Variants in CFAP58 observed in about 807,000 individuals in gnomAD.
CFAP58 encodes cilia and flagella associated protein 58.
In CFAP58, 88 loss-of-function variants were observed where a neutral mutation model predicts 119.5. The observed-to-expected ratio is 0.74, with a 90% CI of 0.62 to 0.88. The LOEUF is 0.88. Ranked by LOEUF, CFAP58 falls within the 40% of genes least tolerant of loss-of-function variation. CFAP58 has a pLI of 0.00. For missense variants in CFAP58, 990 were observed against 1,021.2 expected (o/e 0.97, Z 0.42); for synonymous variants, 365 against 366.3 (o/e 1.00, Z 0.04).
chr10:104,364,700 A>G (rs763474939), intron 3 of CFAP58, 33 bp from the exon 4 acceptor site: 5 of 1,608,844 alleles, frequency 3.1e-6, no homozygotes, highest in Admixed American at 3.4e-5. Context: ...GCAGATGGCC[A>G]TTTAGTCTGA....
At chr10:104,377,160 A>G (rs966000059) in intron 8 of CFAP58, among the ~76,000 whole-genome samples, 2 of 152,190 alleles carry the variant, frequency 1.3e-5, no homozygotes, top group Non-Finnish European at 1.5e-5. Flanking sequence ...TGTTTTGTGG[A>G]TTCTGTTTTC....
intron 15 of CFAP58, among the ~76,000 whole-genome samples, chr10:104,424,125 G>A (rs1240311869): frequency 6.6e-6 from 1 of 152,124 alleles, no homozygotes; most frequent in East Asian, 1.9e-4. Context: ...TCTGGCTCAT[G>A]TTTCATGCAT....
chr10:104,362,470 TA>T (rs2014683174), intron 3 of CFAP58, among the ~76,000 whole-genome samples: 1 of 152,202 alleles, frequency 6.6e-6, no homozygotes, highest in Non-Finnish European at 1.5e-5. Flanking sequence ...TATAACTGGC[TA>T]ATTTTCTGCC....
In CFAP58 at chr10:104,424,735, G is replaced by T. The variant is rs2012715404; in HGVS notation, c.2256+17942G>T. On this transcript the variant is annotated intron_variant, in intron 15 of 17. Coordinates refer to ENST00000369704, the MANE Select transcript of CFAP58 (RefSeq NM_001008723.2). ...CTGACAATAGGGAGTGCCTAATTAT[G>T]CAGTAGAGCCACTGTCTGGGATGGT... Among the ~76,000 whole-genome samples the T allele has an allele frequency of 2.0e-5, 3 of 152,138 alleles. No individual in the cohort carries two copies. The East Asian group carries it at 5.8e-4, about 29-fold the overall frequency.
chr10:104,424,036 G>A (rs1392322651), intron 15 of CFAP58, among the ~76,000 whole-genome samples: 1 of 152,112 alleles, frequency 6.6e-6, no homozygotes, highest in Non-Finnish European at 1.5e-5. Context: ...AATCTCTGGT[G>A]GGTCATCAAG....
At chr10:104,407,086 T>G (rs879314095) in intron 15 of CFAP58, among the ~76,000 whole-genome samples, 1 of 152,240 alleles carries the variant, frequency 6.6e-6, no homozygotes. Context: ...CAGATTCTTT[T>G]AAACATTTTT....
intron 9 of CFAP58, chr10:104,382,243 A>T: frequency 1.4e-6 from 1 of 714,776 alleles, no homozygotes; most frequent in Non-Finnish European, 2.6e-6. Flanking sequence ...ACCCACTCAT[A>T]TTCCACCGGC....
chr10:104,371,827 C>G (rs1338692691), intron 7 of CFAP58, among the ~76,000 whole-genome samples: 1 of 152,176 alleles, frequency 6.6e-6, no homozygotes, highest in East Asian at 1.9e-4. Flanking sequence ...AGAAACAGCT[C>G]TGGACTTGGA....
At chr10:104,353,463 C>T (rs981748419), upstream of CFAP58, 5 of 171,024 alleles carry the variant, frequency 2.9e-5, no homozygotes, top group Non-Finnish European at 5.0e-5. Context: ...CATTTCCTTC[C>T]AAGCGTTAGT....
intron 9 of CFAP58, among the ~76,000 whole-genome samples, chr10:104,386,102 G>T (rs2011916766): frequency 1.3e-5 from 2 of 150,568 alleles, no homozygotes; most frequent in Admixed American, 1.3e-4. Flanking sequence ...GATGGGCTGG[G>T]CATGGTGGCT....
chr10:104,439,813 C>G lies in CFAP58; in HGVS notation c.2257-7885C>G, dbSNP rs555357794. On this transcript the variant is annotated intron_variant, in intron 15 of 17. Transcript: ENST00000369704. ...CAATTTTCTTTAAATTTGGAAGTGA[C>G]TTACTGATTTACTATTTTTTTTTTG... Among the ~76,000 whole-genome samples, 9 of 152,270 alleles carry G rather than the reference C, an allele frequency of 5.9e-5. No homozygotes were observed. In the South Asian group the frequency reaches 1.9e-3, roughly 31 times the overall value.
rs201995000 is a variant in CFAP58, at chr10:104,362,158, G to A, written c.427G>A (p.Asp143Asn). 3.7e-6 allele frequency: 6 copies of A among 1,612,816 alleles called. No individual in the cohort carries two copies. The Admixed American group carries it at 1.0e-4, about 27-fold the overall frequency. The stretch of plus-strand genomic sequence containing the variant: ...GGAGCAGGGGTCTGGACTGTCAATG[G>A]ACCAGCATAGCAAGTAGGTCATAGC... ...LVEQGSGLSM[D>N]QHSNIRDLLR... Residue 143 changes from aspartate (D) to asparagine (N), a missense_variant, in exon 3 of 18, where the codon GAC becomes AAC. Asp to Asn is a conservative substitution (Grantham distance 23, BLOSUM62 1). Coordinates refer to ENST00000369704, the MANE Select transcript of CFAP58 (RefSeq NM_001008723.2).
chr10:104,381,927 A>C (rs1031387874), intron 9 of CFAP58, among the ~76,000 whole-genome samples: 2 of 152,078 alleles, frequency 1.3e-5, no homozygotes, highest in African/African-American at 4.8e-5. Flanking sequence ...TGATTTACTG[A>C]CTCTGAGGAC....
In CFAP58 at chr10:104,364,773, G is replaced by A; in HGVS notation, c.481G>A (p.Glu161Lys). ...GAGGTTCAAAGAAGAAGTGACAAAGGAGAGAGACCAGCTCTTATCAGAAGT... is the reference window on the plus strand; with the variant it reads ...GAGGTTCAAAGAAGAAGTGACAAAGAAGAGAGACCAGCTCTTATCAGAAGT... Reference protein sequence around the residue: ...LLRFKEEVTKERDQLLSEVVK... With the variant: ...LLRFKEEVTKKRDQLLSEVVK... The change falls in exon 4 of 18, where the codon GAG (glutamate) becomes AAG (lysine). Residue 161 changes from glutamate to lysine, a missense_variant. By Grantham distance (56) the Glu-to-Lys change is moderately conservative. Coordinates refer to ENST00000369704, the MANE Select transcript of CFAP58 (RefSeq NM_001008723.2). 1 of 1,612,904 alleles carries A rather than the reference G, an allele frequency of 6.2e-7. No homozygotes were observed. Among genetic ancestry groups the A allele is most frequent in the Non-Finnish European group, 8.5e-7 (1 of 1,179,482 alleles).
At position 104,441,234 on chromosome 10, in the gene CFAP58, C is replaced by A. The variant is rs188487814; in HGVS notation, c.2257-6464C>A. ...GCCAGGCTGGTCTCAAACTCCTGAT[C>A]TCGAGTGATTTGCCTGCATCGGCCT... On this transcript the variant is annotated intron_variant, in intron 15 of 17. Transcript: ENST00000369704. Among the ~76,000 whole-genome samples the A allele has an allele frequency of 4.2e-3, 633 of 152,300 alleles. 2 individuals carry two copies. Among genetic ancestry groups the A allele is most frequent in the Non-Finnish European group, 7.1e-3 (484 of 68,034 alleles).
chr10:104,404,685 C>T (rs2012327729), intron 14 of CFAP58, among the ~76,000 whole-genome samples: 1 of 152,106 alleles, frequency 6.6e-6, no homozygotes, highest in Admixed American at 6.5e-5. Context: ...TCTCGGCTCA[C>T]TGCAAGCTCT....
chr10:104,368,615 G>T, intron 6 of CFAP58, 55 bp downstream of exon 6: 1 of 1,598,790 alleles, frequency 6.3e-7, no homozygotes, highest in Non-Finnish European at 8.5e-7. Context: ...ACACAGGTTT[G>T]CCTTGGCAAT....
At chr10:104,419,001 C>T (rs193006890) in intron 15 of CFAP58, among the ~76,000 whole-genome samples, 10 of 152,302 alleles carry the variant, frequency 6.6e-5, no homozygotes, top group South Asian at 2.1e-4. Context: ...ATAGCTTCTG[C>T]AGAGCCTTGA....
the CFAP58 span, among the ~76,000 whole-genome samples, chr10:104,346,022 T>C: frequency 6.6e-6 from 1 of 152,068 alleles, no homozygotes; most frequent in Non-Finnish European, 1.5e-5. Context: ...TTCTGCAGGC[T>C]GTGCAGGAAA....
Sources: allele counts gnomAD v4.1 joint callset (sites outside exome capture counted in the v4.1 genomes callset), GRCh38; gene constraint gnomAD v4.1.1; transcripts MANE v1.5; gene names NCBI Gene and HGNC (gene_info 2026-07-23, HGNC 2026-07-21).